POLQ: variants seen among roughly 807,000 people sequenced by gnomAD.
POLQ encodes DNA polymerase theta, also known as epididymis secretory sperm binding protein.
Under a neutral mutation model 259.2 loss-of-function variants are expected in POLQ, and 233 were observed. The observed-to-expected ratio is 0.90, with a 90% CI of 0.81 to 1.00. The LOEUF (loss-of-function observed/expected upper bound fraction) is 1.00. Ranked by LOEUF, POLQ falls within the 50% of genes least tolerant of loss-of-function variation. The probability of loss-of-function intolerance (pLI) is 0.00; values close to 1 mark genes in which losing one functional copy is unlikely to be tolerated. For synonymous variants in POLQ, 1,025 were observed against 1,048.8 expected (o/e 0.98, Z 0.44); for missense variants, 2,871 against 3,051.6 (o/e 0.94, Z 1.39).
chr3:121,476,844 G>A, intron 19 of POLQ, 111 bp from the exon 20 acceptor site: 1 of 728,032 alleles, frequency 1.4e-6, no homozygotes, highest in Non-Finnish European at 2.2e-6. Context: ...ATGCTACCAA[G>A]GTATCCTTCA....
rs2048487987 is a variant in POLQ at position 121,541,345 on chromosome 3, T to G, written c.474+4A>C. 1 of 1,583,238 alleles carries G rather than the reference T, an allele frequency of 6.3e-7. No individual in the cohort carries two copies. Among genetic ancestry groups the G allele is most frequent in the African/African-American group, 1.4e-5 (1 of 73,128 alleles). On this transcript the variant is annotated splice_donor_region_variant and intron_variant, in intron 3 of 29. Transcript: ENST00000264233. ...ACTATTTCAAACTTAGTAAAAAACATTACCTGGAGGTAGTATTTCTTCTCT... is the reference window on the plus strand; with the variant it reads ...ACTATTTCAAACTTAGTAAAAAACAGTACCTGGAGGTAGTATTTCTTCTCT...
rs2048024899 is a variant in POLQ at position 121,487,753 on chromosome 3, A to G, written c.5178T>C (p.Ser1726=). ...ETSSLLPRKE[S]NIVDDNGLIP... is the part of the protein sequence containing the mutation. Reference sequence around the variant, plus strand: ...TGAGACCATTATCATCAACTATATTACTTTCTTTACGAGGTAAGAGGGATG... The same window carrying G: ...TGAGACCATTATCATCAACTATATTGCTTTCTTTACGAGGTAAGAGGGATG... The change falls in exon 16 of 30, where the codon AGT becomes AGC. Residue 1726 remains serine (S), a synonymous_variant. Coordinates refer to ENST00000264233, the MANE Select transcript of POLQ (RefSeq NM_199420.4). 1 of 1,612,928 alleles carries G rather than the reference A, an allele frequency of 6.2e-7. No individual in the cohort carries two copies. The highest frequency in any genetic ancestry group is 8.5e-7 in the Non-Finnish European group (1 of 1,179,186).
At position 121,522,157 on chromosome 3, in the gene POLQ, A is replaced by G. The variant is rs781091829; in HGVS notation, c.1109-8T>C. ...CAGAGGGTTTCACCAATCCTGTCAC[A>G]AAAAAATTATCAACACCATTTGCTT... On this transcript the variant is annotated splice_region_variant and splice_polypyrimidine_tract_variant and intron_variant, in intron 7 of 29. Transcript: ENST00000264233. The G allele has an allele frequency of 2.5e-6, 4 of 1,585,206 alleles. No individual in the cohort carries two copies. The highest frequency in any genetic ancestry group is 3.4e-6 in the Non-Finnish European group (4 of 1,169,398).
chr3:121,517,461 T>C (rs1191264740), intron 9 of POLQ, among the ~76,000 whole-genome samples: 2 of 152,178 alleles, frequency 1.3e-5, no homozygotes. Context: ...CATTTATTAC[T>C]GGTGCTGAGA....
chr3:121,432,751 C>T (rs969135324), intron 29 of POLQ, among the ~76,000 whole-genome samples, 167 bp downstream of exon 29: 14 of 152,264 alleles, frequency 9.2e-5, no homozygotes, highest in Middle Eastern at 3.4e-3. Flanking sequence ...TAGTACAAAA[C>T]GGAACACTCT....
chr3:121,485,195 CA>C lies in POLQ; in HGVS notation c.5630-12del, dbSNP rs1236204207. 1 of 1,539,454 alleles carries C rather than the reference CA, an allele frequency of 6.5e-7. No homozygotes were observed. The highest frequency in any genetic ancestry group is 8.8e-7 in the Non-Finnish European group (1 of 1,134,016). On this transcript the variant is annotated splice_polypyrimidine_tract_variant and intron_variant, in intron 16 of 29. Transcript: ENST00000264233. Reference sequence around the variant, plus strand: ...CCTGAGGTGAGCTAGCTAAGTAAAACAAAAGTGAAACAGTTAAAAATCTCTA... The same window carrying C: ...CCTGAGGTGAGCTAGCTAAGTAAAACAAAGTGAAACAGTTAAAAATCTCTA...
chr3:121,491,839 G>A (rs1237052791), intron 15 of POLQ, among the ~76,000 whole-genome samples: 3 of 151,860 alleles, frequency 2.0e-5, no homozygotes, highest in Non-Finnish European at 4.4e-5. Flanking sequence ...GGCCTGTTAG[G>A]AACTGGGCCG....
chr3:121,492,227 AAATT>A (rs1472069645), intron 15 of POLQ, among the ~76,000 whole-genome samples: 4 of 152,340 alleles, frequency 2.6e-5, no homozygotes, highest in Middle Eastern at 6.8e-3. Flanking sequence ...CATCTAAAAC[AAATT>A]GTTTAATACC....
chr3:121,473,387 C>A lies in POLQ; in HGVS notation c.6506G>T (p.Arg2169Leu). 3 of 1,614,002 alleles carry A rather than the reference C, an allele frequency of 1.9e-6. No homozygotes were observed. Among genetic ancestry groups the A allele is most frequent in the South Asian group, 2.2e-5 (2 of 91,062 alleles). The change falls in exon 21 of 30, where the codon CGC (arginine) becomes CTC (leucine). Residue 2169 changes from arginine (R) to leucine (L), a missense_variant. Arg to Leu is a moderately radical substitution (Grantham distance 102, BLOSUM62 -2). Coordinates refer to ENST00000264233, the MANE Select transcript of POLQ (RefSeq NM_199420.4). ...GAACTGTCTTCCCAGCCTTAGCTTG[C>A]GTCCATTGTCAATCCCTCTTCTGGT... ...GSTRRGIDNG[R>L]KLRLGRQFST...
chr3:121,491,969 C>T (rs1378822835), intron 15 of POLQ, among the ~76,000 whole-genome samples: 2 of 152,182 alleles, frequency 1.3e-5, no homozygotes, highest in African/African-American at 4.8e-5. Context: ...GTTGCGTGCT[C>T]CTTATGAGAA....
At chr3:121,518,310 G>A (rs1400170970) in intron 9 of POLQ, among the ~76,000 whole-genome samples, 1 of 152,110 alleles carries the variant, frequency 6.6e-6, no homozygotes, top group Admixed American at 6.5e-5. Context: ...TTTGCTTGGG[G>A]GTCATGTTAA....
chr3:121,495,848 CAAAAAAAAAAAA>C (rs34476932), intron 14 of POLQ, among the ~76,000 whole-genome samples: 1 of 28,122 alleles, frequency 3.6e-5, no homozygotes, highest in Non-Finnish European at 7.5e-5. Flanking sequence ...GACTCTGTCT[CAAAAAAAAAAAA>C]AAAAAAAAAA....
At chr3:121,446,524 G>A (rs1419155249) in intron 26 of POLQ, among the ~76,000 whole-genome samples, 1 of 151,756 alleles carries the variant, frequency 6.6e-6, no homozygotes, top group East Asian at 1.9e-4. Context: ...CTCAAAGAGG[G>A]GTGTTGAAAT....
chr3:121,483,239 T>C (rs1028363428), intron 18 of POLQ, 147 bp downstream of exon 18: 26 of 449,164 alleles, frequency 5.8e-5, no homozygotes, highest in Non-Finnish European at 9.4e-5. Flanking sequence ...TATTCTATTC[T>C]GGGTAGATGA....
Position 121,433,008 on chromosome 3 carries a change from T to G in POLQ, c.7569A>C (p.Gln2523His), listed in dbSNP as rs748887344. The change falls in exon 29 of 30, where the codon CAA becomes CAC. Residue 2523 changes from glutamine to histidine, a missense_variant. Transcript: ENST00000264233. ...CTCCTCTGATTGGGCAGAACATCCC[T>G]TGCAGTTTTCTCTTTCGTGACAATC... Reference protein sequence around the residue: ...QTGLSRKRKLQGMFCPIRGGF... With the variant: ...QTGLSRKRKLHGMFCPIRGGF... 5 of 1,610,672 alleles carry G rather than the reference T, an allele frequency of 3.1e-6. No homozygotes were observed. The Admixed American group carries it at 8.3e-5, about 27-fold the overall frequency.
rs578043097 is a variant in POLQ, at chr3:121,440,016, G to A, written c.7365C>T (p.Asp2455=). The A allele has an allele frequency of 3.7e-6, 6 of 1,613,628 alleles. No individual in the cohort carries two copies. The Admixed American group carries it at 8.3e-5, about 22-fold the overall frequency. The change falls in exon 27 of 30, where the codon GAC becomes GAT. Residue 2455 remains aspartate (D), a synonymous_variant. Transcript: ENST00000264233. The part of the protein sequence containing the change: ...GRRRYLPGIK[D]NNPYRKAHAE... ...CGTGAGCTTTACGATAAGGGTTGTTGTCTTTGATTCCTGGCAAATATCTAC... is the reference window on the plus strand; with the variant it reads ...CGTGAGCTTTACGATAAGGGTTGTTATCTTTGATTCCTGGCAAATATCTAC...
intron 25 of POLQ, among the ~76,000 whole-genome samples, chr3:121,452,252 C>A (rs552630957): frequency 1.3e-5 from 2 of 152,120 alleles, no homozygotes; most frequent in South Asian, 4.1e-4. Flanking sequence ...GGTGATGCCT[C>A]GCCCTGCTTC....
intron 7 of POLQ, among the ~76,000 whole-genome samples, chr3:121,526,832 A>G (rs2048376176): frequency 6.6e-6 from 1 of 151,720 alleles, no homozygotes; most frequent in South Asian, 2.1e-4. Context: ...AGTAGAGTCT[A>G]TAGGTATGTA....
intron 10 of POLQ, among the ~76,000 whole-genome samples, chr3:121,510,900 A>C (rs2048249995): frequency 1.3e-5 from 2 of 152,166 alleles, no homozygotes; most frequent in Admixed American, 1.3e-4. Flanking sequence ...CCTGGCCAAC[A>C]CAGTGAAACT....
Sources: allele counts gnomAD v4.1 joint callset (sites outside exome capture counted in the v4.1 genomes callset), GRCh38; gene constraint gnomAD v4.1.1; transcripts MANE v1.5; gene names NCBI Gene and HGNC (gene_info 2026-07-23, HGNC 2026-07-21).